Variants in ALLC observed in about 807,000 individuals in gnomAD.
ALLC encodes probable inactive allantoicase.
In ALLC, 40 loss-of-function variants were observed where a neutral mutation model predicts 45.0. The observed-to-expected ratio is 0.89, with a 90% CI of 0.69 to 1.16. The LOEUF (loss-of-function observed/expected upper bound fraction) is 1.16, where lower values mean the gene tolerates loss of function less well. Ranked by LOEUF, ALLC falls within the 50% of genes most tolerant of loss-of-function variation. The pLI, the probability that ALLC is intolerant of heterozygous loss-of-function variation, is 0.00. For missense variants in ALLC, 488 were observed against 493.1 expected, an observed-to-expected ratio of 0.99 and a Z score of 0.10; for synonymous variants, 176 against 178.1, an observed-to-expected ratio of 0.99 and a Z score of 0.09.
chr2:3,678,785 G>A lies in ALLC; in HGVS notation c.172+230G>A, dbSNP rs530106668. 2.6e-4 allele frequency among the ~76,000 whole-genome samples: 40 copies of A among 152,304 alleles called. 1 individual carries two copies. The highest frequency in any genetic ancestry group is 6.8e-3 in the Middle Eastern group (2 of 294). On this transcript the variant is annotated intron_variant, in intron 4 of 11. Transcript: ENST00000252505. ...CAAAGGGTGAGAAGCACGTTGTCGG[G>A]AAAATGAAAACCCTGGTGAGGTCTG...
At chr2:3,670,476 A>G (rs1400534834) in intron 1 of ALLC, among the ~76,000 whole-genome samples, 1 of 151,644 alleles carries the variant, frequency 6.6e-6, no homozygotes, top group African/African-American at 2.4e-5. Context: ...TGCTTTCTCA[A>G]CCTCAACATG....
the ALLC span, among the ~76,000 whole-genome samples, chr2:3,651,130 G>C: frequency 6.6e-6 from 1 of 151,432 alleles, no homozygotes; most frequent in Non-Finnish European, 1.5e-5. Flanking sequence ...AGATGGATGA[G>C]CGCAGACACA....
chr2:3,692,710 A>G (rs111844161), intron 7 of ALLC, among the ~76,000 whole-genome samples: 1 of 152,214 alleles, frequency 6.6e-6, no homozygotes, highest in African/African-American at 2.4e-5. Flanking sequence ...CAAACCTCCT[A>G]CAACATGGTG....
chr2:3,696,897 AG>A (rs1369638862), intron 9 of ALLC, among the ~76,000 whole-genome samples: 1 of 152,262 alleles, frequency 6.6e-6, no homozygotes, highest in Non-Finnish European at 1.5e-5. Context: ...TTCCTAAGTT[AG>A]ATTTCATGTC....
chr2:3,646,176 G>T, the ALLC span, among the ~76,000 whole-genome samples: 1 of 152,060 alleles, frequency 6.6e-6, no homozygotes. Flanking sequence ...CTACCTGCTA[G>T]AGAAGAACCG....
rs1249345331 is a variant in ALLC at position 3,702,475 on chromosome 2, T to C, written c.1088T>C (p.Leu363Pro). The change falls in exon 12 of 12, where the codon CTC (leucine) becomes CCC (proline). Residue 363 changes from leucine to proline, a missense_variant. Leu to Pro is a moderately conservative substitution (Grantham distance 98). Coordinates refer to ENST00000252505, the MANE Select transcript of ALLC (RefSeq NM_018436.4). ...GACGGGGGAGTGAGCCGCCTTCGGC[T>C]CCGGGGCTTCCCCAGCTCCATCTGC... The part of the protein sequence containing the change: ...VPDGGVSRLR[L>P]RGFPSSICLL... 9.9e-6 allele frequency: 16 copies of C among 1,611,794 alleles called. No homozygotes were observed. The highest frequency in any genetic ancestry group is 1.7e-5 in the Admixed American group (1 of 59,844).
At chr2:3,682,595 G>A (rs897561595) in intron 6 of ALLC, among the ~76,000 whole-genome samples, 6 of 152,090 alleles carry the variant, frequency 3.9e-5, no homozygotes, top group Non-Finnish European at 7.4e-5. Flanking sequence ...GCGCGATCTC[G>A]GCTCACTGCA....
At chr2:3,651,084 G>A in the ALLC span, among the ~76,000 whole-genome samples, 1 of 152,128 alleles carries the variant, frequency 6.6e-6, no homozygotes, top group Admixed American at 6.5e-5. Flanking sequence ...GAGCTGGCAC[G>A]CGTGTATTTC....
chr2:3,660,471 T>TG (rs375303204), intron 1 of ALLC, among the ~76,000 whole-genome samples: 87 of 152,260 alleles, frequency 5.7e-4, no homozygotes, highest in African/African-American at 2.0e-3. Flanking sequence ...TTTGGGGAGA[T>TG]GATGCTGCCT....
At chr2:3,674,391 G>T (rs1666968889) in intron 3 of ALLC, among the ~76,000 whole-genome samples, 2 of 152,158 alleles carry the variant, frequency 1.3e-5, no homozygotes, top group Admixed American at 1.3e-4. Flanking sequence ...TCTGGGTAAG[G>T]TGAATTTCAT....
intron 1 of ALLC, among the ~76,000 whole-genome samples, chr2:3,660,261 C>G (rs1036336677): frequency 2.6e-5 from 4 of 152,192 alleles, no homozygotes; most frequent in African/African-American, 9.7e-5. Context: ...CGCCGGCTCC[C>G]TTCACTTCCT....
intron 1 of ALLC, among the ~76,000 whole-genome samples, chr2:3,663,204 GA>G (rs920093939): frequency 5.3e-5 from 8 of 152,158 alleles, no homozygotes; most frequent in African/African-American, 1.7e-4. Context: ...ACTGGATAAA[GA>G]AAACATGGTG....
the ALLC span, among the ~76,000 whole-genome samples, chr2:3,650,047 G>A: frequency 1.3e-5 from 2 of 152,256 alleles, no homozygotes; most frequent in African/African-American, 2.4e-5. Flanking sequence ...TGCCCTGGAA[G>A]GCACGGAGCC....
At chr2:3,670,556 C>T (rs1036872882) in intron 1 of ALLC, among the ~76,000 whole-genome samples, 2 of 152,172 alleles carry the variant, frequency 1.3e-5, no homozygotes, top group African/African-American at 2.4e-5. Flanking sequence ...GAATCTCCCT[C>T]GCTGGCCCCG....
Position 3,702,537 on chromosome 2 carries a change from T to A in ALLC, c.1150T>A (p.Ser384Thr). Residue 384 changes from serine to threonine, a missense_variant, in exon 12 of 12, where the codon TCG (serine) becomes ACG (threonine). Coordinates refer to ENST00000252505, the MANE Select transcript of ALLC (RefSeq NM_018436.4). ...RPREKPMLKF[S>T]VSFKANP ...CCGGGAGAAGCCCATGTTGAAGTTC[T>A]CGGTGAGCTTCAAAGCAAACCCTTA... 6.3e-7 allele frequency: 1 copy of A among 1,599,070 alleles called. No individual in the cohort carries two copies. The highest frequency in any genetic ancestry group is 8.5e-7 in the Non-Finnish European group (1 of 1,173,808).
chr2:3,695,992 G>A, intron 8 of ALLC, 120 bp downstream of exon 8: 1 of 1,075,904 alleles, frequency 9.3e-7, no homozygotes, highest in Non-Finnish European at 1.3e-6. Context: ...CAGTGGATGA[G>A]ATTAATCTTC....
At chr2:3,650,318 C>T in the ALLC span, among the ~76,000 whole-genome samples, 1 of 152,226 alleles carries the variant, frequency 6.6e-6, no homozygotes, top group East Asian at 1.9e-4. Context: ...GGAGTGGCAT[C>T]CACAGGGCTC....
the ALLC span, among the ~76,000 whole-genome samples, chr2:3,649,639 G>A: frequency 1.8e-4 from 27 of 152,390 alleles, no homozygotes; most frequent in African/African-American, 6.3e-4. Flanking sequence ...CAGTGATTCT[G>A]GTTCAGGGGT....
upstream of ALLC, among the ~76,000 whole-genome samples, chr2:3,653,624 C>T (rs1234392758): frequency 1.3e-5 from 2 of 152,148 alleles, no homozygotes; most frequent in Admixed American, 1.3e-4. This position sits in a 1 kb window ranked among gnomAD's most constrained non-coding sequence, Gnocchi z 4.1. Flanking sequence ...AAGACAGTTT[C>T]TGGCATTGCT....
Sources: allele counts gnomAD v4.1 joint callset (sites outside exome capture counted in the v4.1 genomes callset), GRCh38; gene constraint gnomAD v4.1.1; non-coding constraint Gnocchi (gnomAD v3.1); transcripts MANE v1.5; gene names NCBI Gene and HGNC (gene_info 2026-07-23, HGNC 2026-07-21).